DHX29: variants seen among roughly 807,000 people sequenced by gnomAD.
DHX29 encodes the protein ATP-dependent RNA helicase DHX29.
A neutral mutation model predicts 167.9 loss-of-function variants in DHX29; 79 were observed. The ratio of observed to expected loss-of-function variants is 0.47; its 90% CI spans 0.39 to 0.57. The LOEUF is 0.57. Ranked by LOEUF, DHX29 falls within the 20% of genes least tolerant of loss-of-function variation. DHX29 has a pLI of 0.00. For synonymous variants in DHX29, 530 were observed against 546.0 expected (o/e 0.97, Z 0.41); for missense variants, 1,347 against 1,593.4 (o/e 0.85, Z 2.63).
intron 23 of DHX29, among the ~76,000 whole-genome samples, chr5:55,263,701 G>A (rs1746419438): frequency 4.7e-5 from 7 of 149,856 alleles, no homozygotes; most frequent in African/African-American, 1.7e-4. Flanking sequence ...AAAGCAATTT[G>A]AAGATAAAGG....
At chr5:55,285,150 A>G in intron 10 of DHX29, 143 bp downstream of exon 10, 1 of 1,239,070 alleles carries the variant, frequency 8.1e-7, no homozygotes, top group Non-Finnish European at 1.1e-6. Flanking sequence ...CGAAAGATCA[A>G]ACTATGTTTA....
chr5:55,306,179 C>T lies in DHX29; in HGVS notation c.187+1208G>A, dbSNP rs80107504. On this transcript the variant is annotated intron_variant, in intron 1 of 26. Transcript: ENST00000251636. The stretch of plus-strand genomic sequence containing the variant: ...CTACAATAAATCGCAGGGCAAAGAA[C>T]TGTTTCCACCTTCTAGGTAAAGGTC... 4.6e-3 allele frequency among the ~76,000 whole-genome samples: 700 copies of T among 152,304 alleles called. 5 individuals are homozygous for T. Among genetic ancestry groups the T allele is most frequent in the African/African-American group, 0.016 (666 of 41,562 alleles).
rs767466734 is a variant in DHX29 at position 55,294,034 on chromosome 5, C to G, written c.763G>C (p.Glu255Gln). Residue 255 changes from glutamate to glutamine, a missense_variant, in exon 6 of 27, where the codon GAG (glutamate) becomes CAG (glutamine). Transcript: ENST00000251636. ...CTACTCACAGGGTCAAATTTTTCCT[C>G]CTCTTCTAAACTTTTAGAATTCTCA... ...KNENSKSLEE[E>Q]EKFDPNERYL... is the part of the protein sequence containing the mutation. 3 of 1,606,924 alleles carry G rather than the reference C, an allele frequency of 1.9e-6. No individual in the cohort carries two copies. The South Asian group carries it at 3.3e-5, about 18-fold the overall frequency.
rs1748317001 is a variant in DHX29 at position 55,296,353 on chromosome 5, T to C, written c.376-4A>G. The C allele has an allele frequency of 1.9e-6, 3 of 1,606,792 alleles. No individual in the cohort carries two copies. Among genetic ancestry groups the C allele is most frequent in the Non-Finnish European group, 2.5e-6 (3 of 1,177,124 alleles). On this transcript the variant is annotated splice_polypyrimidine_tract_variant and splice_region_variant and intron_variant, in intron 3 of 26. Coordinates refer to ENST00000251636, the MANE Select transcript of DHX29 (RefSeq NM_019030.4). ...CTTGTAAAGCCATGTATAAATCCTATGACAAGCAAATATAAAAAAAGTCAC... is the reference window on the plus strand; with the variant it reads ...CTTGTAAAGCCATGTATAAATCCTACGACAAGCAAATATAAAAAAAGTCAC...
chr5:55,285,928 C>A, intron 8 of DHX29, 67 bp from the exon 9 acceptor site: 1 of 1,291,996 alleles, frequency 7.7e-7, no homozygotes, highest in African/African-American at 1.5e-5. Flanking sequence ...TGATCAAAGT[C>A]CTCTCTTGCT....
At chr5:55,301,112 T>C (rs1445504743) in intron 1 of DHX29, among the ~76,000 whole-genome samples, 1 of 152,188 alleles carries the variant, frequency 6.6e-6, no homozygotes, top group Non-Finnish European at 1.5e-5. Flanking sequence ...TTTAACCTTA[T>C]GTACTTCCTT....
At chr5:55,268,564 A>T (rs1444778040) in intron 21 of DHX29, among the ~76,000 whole-genome samples, 3 of 152,086 alleles carry the variant, frequency 2.0e-5, no homozygotes, top group Non-Finnish European at 2.9e-5. Flanking sequence ...AGCTGGGTCT[A>T]CAGGGGTGCA....
At chr5:55,263,061 G>T in intron 23 of DHX29, 129 bp from the exon 24 acceptor site, 1 of 684,270 alleles carries the variant, frequency 1.5e-6, no homozygotes, top group Non-Finnish European at 2.4e-6. Flanking sequence ...GCTAACGATA[G>T]CCCAAATTAC....
chr5:55,277,542 G>A (rs971517250), intron 12 of DHX29, among the ~76,000 whole-genome samples: 8 of 152,094 alleles, frequency 5.3e-5, no homozygotes, highest in African/African-American at 1.9e-4. Flanking sequence ...TCTACCCTAG[G>A]AGACGGTTTG....
intron 16 of DHX29, 136 bp downstream of exon 16, chr5:55,274,478 G>A: frequency 1.6e-6 from 1 of 608,180 alleles, no homozygotes; most frequent in East Asian, 3.2e-5. Flanking sequence ...AGTGTTTAAA[G>A]AAAAAAATCT....
chr5:55,298,145 A>G (rs985307388), intron 2 of DHX29, among the ~76,000 whole-genome samples: 5 of 152,172 alleles, frequency 3.3e-5, no homozygotes, highest in African/African-American at 1.2e-4. Context: ...CGGTTGATAA[A>G]GGACTTCATA....
chr5:55,269,116 C>T (rs1368182429), intron 21 of DHX29, among the ~76,000 whole-genome samples: 2 of 151,694 alleles, frequency 1.3e-5, no homozygotes, highest in African/African-American at 4.8e-5. Context: ...TGTGGTGGCA[C>T]GTGCCTGTAA....
rs1267806491 is a variant in DHX29, at chr5:55,296,460, A to G, written c.376-111T>C. 3.8e-6 allele frequency: 5 copies of G among 1,304,440 alleles called. No individual in the cohort carries two copies. The African/African-American group carries it at 6.0e-5, about 16-fold the overall frequency. 80.8% of individuals were successfully genotyped at this position (1,304,440 alleles called of 1,614,324 possible). On this transcript the variant is annotated intron_variant, in intron 3 of 26. Coordinates refer to ENST00000251636, the MANE Select transcript of DHX29 (RefSeq NM_019030.4). ...ACTTTGACACAAATTATAATTTCAA[A>G]ACTATCTTTTTTTTCCCAGTTAAAA...
Position 55,298,680 on chromosome 5 carries a change from G to C in DHX29, c.188-16C>G. On this transcript the variant is annotated splice_polypyrimidine_tract_variant and intron_variant, in intron 1 of 26. Transcript: ENST00000251636. ...ATTTTTGGACCTGTAAATACAAATA[G>C]ACAAGGCAATTTAATGATTAATATC... is the stretch of plus-strand genomic sequence containing the variant. 1 of 1,250,876 alleles carries C rather than the reference G, an allele frequency of 8.0e-7. No individual in the cohort carries two copies. Among genetic ancestry groups the C allele is most frequent in the Non-Finnish European group, 1.2e-6 (1 of 857,676 alleles). The allele number at this position is 1,250,876 out of a possible 1,614,324, so 77.5% of individuals were successfully genotyped here.
intron 1 of DHX29, among the ~76,000 whole-genome samples, chr5:55,305,359 C>T (rs543613219): frequency 1.1e-4 from 17 of 152,096 alleles, no homozygotes; most frequent in Admixed American, 9.2e-4. Flanking sequence ...AGAATAAATA[C>T]GAGGAAGGAG....
intron 8 of DHX29, among the ~76,000 whole-genome samples, chr5:55,287,300 G>A (rs546136324): frequency 6.6e-6 from 1 of 152,158 alleles, no homozygotes; most frequent in South Asian, 2.1e-4. Flanking sequence ...AATTAGCCGG[G>A]CATGCAGGCA....
chr5:55,259,527 G>A (rs1051948681), intron 26 of DHX29, among the ~76,000 whole-genome samples: 5 of 152,034 alleles, frequency 3.3e-5, no homozygotes, highest in South Asian at 2.1e-4. Flanking sequence ...TGATCTTGGC[G>A]CTCACTGCAA....
chr5:55,265,403 G>C (rs1248858467), intron 23 of DHX29, among the ~76,000 whole-genome samples: 1 of 151,468 alleles, frequency 6.6e-6, no homozygotes, highest in African/African-American at 2.4e-5. Context: ...AGATGAACCT[G>C]AATTGGATTA....
At chr5:55,282,515 G>A (rs373114972) in intron 11 of DHX29, among the ~76,000 whole-genome samples, 82 of 152,180 alleles carry the variant, frequency 5.4e-4, no homozygotes, top group African/African-American at 1.8e-3. Flanking sequence ...TAATGAAGGG[G>A]TACCCAGTTT....
Sources: allele counts gnomAD v4.1 joint callset (sites outside exome capture counted in the v4.1 genomes callset), GRCh38; gene constraint gnomAD v4.1.1; transcripts MANE v1.5; gene names NCBI Gene and HGNC (gene_info 2026-07-23, HGNC 2026-07-21).